The following ODR4 variants were observed in gnomAD, a reference collection of about 807,000 sequenced individuals.
ODR4 encodes protein odr-4 homolog.
ODR4 carries 47 observed loss-of-function variants against 60.2 expected under a neutral mutation model. The ratio of observed to expected loss-of-function variants is 0.78; its 90% CI spans 0.62 to 1.00. ODR4 has a LOEUF of 1.00. Among genes scored for constraint, ODR4 ranks in the 50% least tolerant of loss-of-function variants. The probability of loss-of-function intolerance (pLI) is 0.00; values close to 1 mark genes in which losing one functional copy is unlikely to be tolerated. For missense variants in ODR4, 488 were observed against 530.8 expected (o/e 0.92, Z 0.79); for synonymous variants, 178 against 175.5 (o/e 1.01, Z -0.11).
chr1:186,395,412 T>C (rs918371261), intron 9 of ODR4, among the ~76,000 whole-genome samples: 4 of 152,042 alleles, frequency 2.6e-5, no homozygotes, highest in African/African-American at 7.2e-5. Context: ...AATAATATTA[T>C]ATAGTATAAT....
chr1:186,388,401 TCA>T (rs1401416456), intron 4 of ODR4, 39 bp from the exon 5 acceptor site: 4 of 1,193,768 alleles, frequency 3.4e-6, no homozygotes, highest in African/African-American at 1.6e-5. Context: ...TCTTTTTTTT[TCA>T]TTTTACATTC....
intron 12 of ODR4, chr1:186,411,760 CTG>C (rs1661390025): frequency 6.3e-6 from 3 of 473,396 alleles, no homozygotes; most frequent in South Asian, 9.1e-5. Flanking sequence ...ATGTTTCACA[CTG>C]TATTTAAAAA....
At chr1:186,381,360 G>GCT (rs1303933616) in intron 2 of ODR4, among the ~76,000 whole-genome samples, 2 of 145,674 alleles carry the variant, frequency 1.4e-5, no homozygotes, top group African/African-American at 2.6e-5. Context: ...ACGGAGTCTC[G>GCT]CTGTCGCCCA....
chr1:186,422,012 CTA>C (rs1661797258), downstream of ODR4, among the ~76,000 whole-genome samples: 1 of 151,622 alleles, frequency 6.6e-6, no homozygotes, highest in Non-Finnish European at 1.5e-5. Context: ...AATAACAAGT[CTA>C]ATATTAAAAT....
At chr1:186,407,963 C>G (rs1335319796) in intron 12 of ODR4, among the ~76,000 whole-genome samples, 1 of 152,048 alleles carries the variant, frequency 6.6e-6, no homozygotes, top group Non-Finnish European at 1.5e-5. Context: ...TTAAAAATTA[C>G]TTCTTAAATA....
At chr1:186,383,983 G>A (rs1267428595) in intron 3 of ODR4, among the ~76,000 whole-genome samples, 1 of 152,196 alleles carries the variant, frequency 6.6e-6, no homozygotes, top group Non-Finnish European at 1.5e-5. Context: ...AGGTTGCAAT[G>A]AGCCAAGATC....
At chr1:186,423,142 T>G (rs1661823035), downstream of ODR4, among the ~76,000 whole-genome samples, 1 of 152,182 alleles carries the variant, frequency 6.6e-6, no homozygotes, top group Admixed American at 6.5e-5. Flanking sequence ...AATTAACTTT[T>G]TGACAAGACC....
downstream of ODR4, among the ~76,000 whole-genome samples, chr1:186,424,897 G>A (rs540178605): frequency 7.3e-5 from 11 of 151,526 alleles, no homozygotes; most frequent in South Asian, 8.4e-4. Flanking sequence ...TGGGGCCTTA[G>A]CTTGGAAATC....
chr1:186,413,383 A>G (rs1050687439), intron 12 of ODR4, among the ~76,000 whole-genome samples: 3 of 152,150 alleles, frequency 2.0e-5, no homozygotes, highest in African/African-American at 4.8e-5. Context: ...AGTAGTTGCT[A>G]TGTTTAAAAT....
At chr1:186,428,771 A>G in the ODR4 span, among the ~76,000 whole-genome samples, 1 of 152,174 alleles carries the variant, frequency 6.6e-6, no homozygotes, top group Non-Finnish European at 1.5e-5. Context: ...TAATAATAAT[A>G]ATATTGTGTT....
At chr1:186,414,317 G>C (rs1013705013) in intron 12 of ODR4, among the ~76,000 whole-genome samples, 6 of 152,002 alleles carry the variant, frequency 3.9e-5, no homozygotes, top group African/African-American at 1.4e-4. Context: ...CGATCTTCTA[G>C]AGCATGATCT....
the ODR4 span, among the ~76,000 whole-genome samples, chr1:186,428,493 C>T: frequency 4.6e-5 from 7 of 152,330 alleles, no homozygotes; most frequent in Non-Finnish European, 1.0e-4. Flanking sequence ...ATCTAAACCA[C>T]TCAGACTTTC....
rs998578663 is a variant in ODR4, at chr1:186,393,872, T to C, written c.712-75T>C. 7.7e-6 allele frequency: 6 copies of C among 779,702 alleles called. No individual in the cohort carries two copies. In the African/African-American group the frequency reaches 8.8e-5, roughly 11 times the overall value. The allele number at this position is 779,702 out of a possible 1,614,324, so 48.3% of individuals were successfully genotyped here. A position where few individuals can be genotyped will look rare whatever the true frequency, so the allele number is the denominator to read the frequency against. On this transcript the variant is annotated intron_variant, in intron 8 of 13. Transcript: ENST00000287859. ...TTTTTTCTAAGTTACTTAGTATATG[T>C]ACAATAGTTTATAAGTTGTCTTTTA...
chr1:186,419,445 C>A lies in ODR4; in HGVS notation c.*369C>A. 1 of 224,806 alleles carries A rather than the reference C, an allele frequency of 4.4e-6. No individual in the cohort carries two copies. Among genetic ancestry groups the A allele is most frequent in the Non-Finnish European group, 8.9e-6 (1 of 111,914 alleles). 13.9% of individuals were successfully genotyped at this position (224,806 alleles called of 1,614,324 possible). A position where few individuals can be genotyped will look rare whatever the true frequency, so the allele number is the denominator to read the frequency against. ...ACTTTAACAGAGGCATGATGGCTCA[C>A]ACGTATAATCCTAATGCTTTGAGAG... On this transcript the variant is annotated 3_prime_UTR_variant, in exon 14 of 14. Transcript: ENST00000287859.
Position 186,419,140 on chromosome 1 carries a change from G to T in ODR4, c.*64G>T, listed in dbSNP as rs1661693742. ...TTGACAGACAATTATGAATAATAAA[G>T]ATGTTAACAATCCATCTGTATTTAA... On this transcript the variant is annotated 3_prime_UTR_variant, in exon 14 of 14. Transcript: ENST00000287859. 7.3e-7 allele frequency: 1 copy of T among 1,362,570 alleles called. No homozygotes were observed. 84.4% of individuals were successfully genotyped at this position (1,362,570 alleles called of 1,614,324 possible). A position where few individuals can be genotyped will look rare whatever the true frequency, so the allele number is the denominator to read the frequency against.
At chr1:186,429,386 T>C in the ODR4 span, among the ~76,000 whole-genome samples, 1 of 152,214 alleles carries the variant, frequency 6.6e-6, no homozygotes, top group Admixed American at 6.5e-5. Flanking sequence ...ATAGACTTGC[T>C]TGATGCAGGG....
At chr1:186,376,166 A>G (rs1005355399) in intron 1 of ODR4, among the ~76,000 whole-genome samples, 192 bp downstream of exon 1, 1 of 152,172 alleles carries the variant, frequency 6.6e-6, no homozygotes, top group Non-Finnish European at 1.5e-5. Flanking sequence ...TGAGTGATTC[A>G]GTACCCGGGA....
rs1319006463 is a variant in ODR4, at chr1:186,388,365, A to G, written c.331-77A>G. The G allele has an allele frequency of 1.1e-5, 8 of 749,498 alleles. No individual in the cohort carries two copies. The East Asian group carries it at 1.8e-4, about 17-fold the overall frequency. The allele number at this position is 749,498 out of a possible 1,614,324, so 46.4% of individuals were successfully genotyped here. A position where few individuals can be genotyped will look rare whatever the true frequency, so the allele number is the denominator to read the frequency against. On this transcript the variant is annotated intron_variant, in intron 4 of 13. Coordinates refer to ENST00000287859, the MANE Select transcript of ODR4 (RefSeq NM_017847.6). The stretch of plus-strand genomic sequence containing the variant: ...TTAAAGCTAAATGAGAGTTGGGGAC[A>G]TTATAATTGCCTATTTCAACACTCA...
downstream of ODR4, among the ~76,000 whole-genome samples, chr1:186,422,283 TATA>T (rs769343307): frequency 4.6e-5 from 7 of 152,306 alleles, no homozygotes; most frequent in Non-Finnish European, 1.0e-4. Flanking sequence ...ACTAGGTCTA[TATA>T]ATAATTTTCA....
Sources: allele counts gnomAD v4.1 joint callset (sites outside exome capture counted in the v4.1 genomes callset), GRCh38; gene constraint gnomAD v4.1.1; transcripts MANE v1.5; gene names NCBI Gene and HGNC (gene_info 2026-07-23, HGNC 2026-07-21).